Variants in FBXL4 observed in about 807,000 individuals in gnomAD.
FBXL4 encodes F-box and leucine rich repeat protein 4.
In FBXL4, 40 loss-of-function variants were observed where a neutral mutation model predicts 58.9. The observed-to-expected ratio is 0.68, with a 90% confidence interval of 0.53 to 0.88. FBXL4 has a LOEUF of 0.88. Among genes scored for constraint, FBXL4 ranks in the 40% least tolerant of loss-of-function variants. FBXL4 has a pLI of 0.00. For missense variants in FBXL4, 676 were observed against 734.4 expected, an observed-to-expected ratio of 0.92 and a Z score of 0.92; for synonymous variants, 263 against 265.5, an observed-to-expected ratio of 0.99 and a Z score of 0.09.
rs1330017070 is a variant in FBXL4 at position 98,947,908 on chromosome 6, C to A, written c.-411G>T. Reference sequence around the variant, plus strand: ...CGGCTCCCCGACTCTCTAGATGCGGCACAACCGCCGCAAGCCCGGCCTAGC... The same window carrying A: ...CGGCTCCCCGACTCTCTAGATGCGGAACAACCGCCGCAAGCCCGGCCTAGC... On this transcript the variant is annotated 5_prime_UTR_variant, in exon 1 of 10. Coordinates refer to ENST00000369244, the MANE Select transcript of FBXL4 (RefSeq NM_001278716.2). The A allele has an allele frequency of 6.6e-6, 1 of 151,620 alleles. No individual in the cohort carries two copies. Among genetic ancestry groups the A allele is most frequent in the Admixed American group, 6.6e-5 (1 of 15,218 alleles). The allele number at this position is 151,620 out of a possible 1,614,324, so 9.4% of individuals were successfully genotyped here.
intron 1 of FBXL4, among the ~76,000 whole-genome samples, chr6:98,945,357 G>A (rs1011816348): frequency 5.3e-5 from 8 of 152,174 alleles, no homozygotes; most frequent in Admixed American, 2.6e-4. Context: ...ACAGAAGGAT[G>A]TTTATCAATT....
At chr6:98,890,985 TAA>T (rs1304903554) in intron 7 of FBXL4, among the ~76,000 whole-genome samples, 17 of 152,112 alleles carry the variant, frequency 1.1e-4, no homozygotes, top group Non-Finnish European at 2.2e-4. Flanking sequence ...TACTTGAAAC[TAA>T]ACATATGTAG....
At position 98,905,658 on chromosome 6, in the gene FBXL4, T is replaced by C. The variant is rs539260316; in HGVS notation, c.871A>G (p.Ile291Val). Residue 291 changes from isoleucine (I) to valine (V), a missense_variant, in exon 6 of 10, where the codon ATT becomes GTT. Ile to Val is a conservative substitution (Grantham distance 29). Coordinates refer to ENST00000369244, the MANE Select transcript of FBXL4 (RefSeq NM_001278716.2). Reference protein sequence around the residue: ...DKLPYELIQLILNHLTLPDLC... With the variant: ...DKLPYELIQLVLNHLTLPDLC... ...TCTGGTAGTGTAAGATGATTCAGAA[T>C]CAGCTGAATAAGCTAAATAAGACAG... The C allele has an allele frequency of 4.3e-6, 7 of 1,613,542 alleles. No individual in the cohort carries two copies. The South Asian group carries it at 7.7e-5, about 18-fold the overall frequency.
At chr6:98,935,357 C>A (rs1054651726) in intron 1 of FBXL4, among the ~76,000 whole-genome samples, 40 of 149,994 alleles carry the variant, frequency 2.7e-4, no homozygotes, top group African/African-American at 9.3e-4. Flanking sequence ...TCCTGCCCAA[C>A]ATGCTATCTC....
chr6:98,921,385 A>C (rs1009011646), intron 4 of FBXL4, among the ~76,000 whole-genome samples: 1 of 151,588 alleles, frequency 6.6e-6, no homozygotes, highest in Admixed American at 6.6e-5. Context: ...CTTGCAACCA[A>C]AATTTATCCT....
chr6:98,912,176 T>C (rs1293985494), intron 5 of FBXL4, among the ~76,000 whole-genome samples: 1 of 152,024 alleles, frequency 6.6e-6, no homozygotes, highest in Non-Finnish European at 1.5e-5. Context: ...TGGGACTATG[T>C]GAAAAGACCA....
intron 7 of FBXL4, among the ~76,000 whole-genome samples, chr6:98,887,059 G>A (rs1771065232): frequency 6.6e-6 from 1 of 151,950 alleles, no homozygotes; most frequent in African/African-American, 2.4e-5. Context: ...AACCAGCCTG[G>A]GCAACATGGT....
chr6:98,942,706 A>G (rs1276552012), intron 1 of FBXL4, among the ~76,000 whole-genome samples: 2 of 152,096 alleles, frequency 1.3e-5, no homozygotes, highest in Non-Finnish European at 2.9e-5. Flanking sequence ...TTTATAAATT[A>G]CCCAGTCTCA....
intron 5 of FBXL4, among the ~76,000 whole-genome samples, chr6:98,907,372 A>C (rs1771854367): frequency 6.6e-6 from 1 of 152,244 alleles, no homozygotes; most frequent in Admixed American, 6.5e-5. Flanking sequence ...AGGCAGGAAG[A>C]GAAACCAGCC....
rs768581533 is a variant in FBXL4 at position 98,872,303 on chromosome 6, GAGA to G, written c.*1972_*1974del. The G allele has an allele frequency of 3.3e-5, 5 of 152,280 alleles. 1 individual carries two copies. In the South Asian group the frequency reaches 6.3e-4, roughly 19 times the overall value. The allele number at this position is 152,280 out of a possible 1,614,324, so 9.4% of individuals were successfully genotyped here. On this transcript the variant is annotated 3_prime_UTR_variant, in exon 10 of 10. Coordinates refer to ENST00000369244, the MANE Select transcript of FBXL4 (RefSeq NM_001278716.2). ...TAACATGCTAAAAGGAAAATATCCA[GAGA>G]AGAAGTAACCTTTCAAGTGATGAAT...
At chr6:98,916,157 T>C (rs1207349038) in intron 5 of FBXL4, among the ~76,000 whole-genome samples, 1 of 150,856 alleles carries the variant, frequency 6.6e-6, no homozygotes, top group African/African-American at 2.4e-5. Flanking sequence ...CATTAAAAAG[T>C]CAGGAAACAA....
chr6:98,914,992 T>A (rs1297158026), intron 5 of FBXL4, among the ~76,000 whole-genome samples: 1 of 152,140 alleles, frequency 6.6e-6, no homozygotes. Flanking sequence ...AAAATCAGTG[T>A]ACAAAAATCA....
At chr6:98,900,079 T>C (rs1771550278) in intron 6 of FBXL4, among the ~76,000 whole-genome samples, 1 of 152,180 alleles carries the variant, frequency 6.6e-6, no homozygotes, top group African/African-American at 2.4e-5. Flanking sequence ...CAGCTTTACA[T>C]AAAATATATA....
chr6:98,877,321 A>T (rs1770696363), intron 8 of FBXL4, among the ~76,000 whole-genome samples: 1 of 152,150 alleles, frequency 6.6e-6, no homozygotes, highest in African/African-American at 2.4e-5. Context: ...TAGCTTACTT[A>T]GAAAAAAAAA....
intron 6 of FBXL4, among the ~76,000 whole-genome samples, chr6:98,901,239 G>A (rs1247177918): frequency 1.3e-5 from 2 of 152,130 alleles, no homozygotes; most frequent in African/African-American, 4.8e-5. Flanking sequence ...GAGATGTGGT[G>A]AGTAAAACCC....
chr6:98,921,359 G>A (rs1450577401), intron 4 of FBXL4, among the ~76,000 whole-genome samples: 1 of 151,572 alleles, frequency 6.6e-6, no homozygotes, highest in Non-Finnish European at 1.5e-5. Context: ...CCAGGCAGAT[G>A]AGTACAAAAA....
At chr6:98,888,166 GA>G (rs1387222926) in intron 7 of FBXL4, among the ~76,000 whole-genome samples, 1 of 152,174 alleles carries the variant, frequency 6.6e-6, no homozygotes, top group Non-Finnish European at 1.5e-5. Flanking sequence ...TTTGGAGCAG[GA>G]GTTGGCAAAC....
chr6:98,874,909 T>A (rs1315227126), intron 9 of FBXL4, among the ~76,000 whole-genome samples: 2 of 152,224 alleles, frequency 1.3e-5, no homozygotes, highest in Admixed American at 1.3e-4. Context: ...TCCTTTCTGA[T>A]GAATGCAGCA....
intron 7 of FBXL4, among the ~76,000 whole-genome samples, chr6:98,885,549 A>C (rs1463762909): frequency 6.6e-6 from 1 of 152,180 alleles, no homozygotes; most frequent in Non-Finnish European, 1.5e-5. Flanking sequence ...CCCTCCCTCA[A>C]ATAAGAGAGA....
Sources: gnomAD v4.1 joint callset for allele counts (sites outside exome capture counted in the v4.1 genomes callset) on GRCh38, gnomAD v4.1.1 for gene constraint, MANE v1.5 for transcripts, NCBI Gene and HGNC (gene_info 2026-07-23, HGNC 2026-07-21) for gene names.